The following PREX1 variants were observed in gnomAD, a reference collection of about 807,000 sequenced individuals.
PREX1 encodes the protein phosphatidylinositol 3,4,5-trisphosphate-dependent Rac exchanger 1 protein.
A neutral mutation model predicts 198.3 loss-of-function variants in PREX1; 41 were observed. The ratio of observed to expected loss-of-function variants is 0.21; its 90% CI spans 0.16 to 0.27. The LOEUF (loss-of-function observed/expected upper bound fraction) is 0.27, where lower values mean the gene tolerates loss of function less well. Among genes scored for constraint, PREX1 ranks in the 10% least tolerant of loss-of-function variants. The pLI is 1.00. For synonymous variants in PREX1, 843 were observed against 887.2 expected, an observed-to-expected ratio of 0.95 and a Z score of 0.89; for missense variants, 1,620 against 2,200.7, an observed-to-expected ratio of 0.74 and a Z score of 5.28.
At chr20:48,758,647 G>A (rs1218559287) in intron 1 of PREX1, among the ~76,000 whole-genome samples, 2 of 152,222 alleles carry the variant, frequency 1.3e-5, no homozygotes, top group Non-Finnish European at 2.9e-5. Flanking sequence ...GGAGGTGGCT[G>A]CGGAACCACA....
At chr20:48,631,694 G>A (rs150740413) in intron 35 of PREX1, among the ~76,000 whole-genome samples, 76 of 152,200 alleles carry the variant, frequency 5.0e-4, no homozygotes, top group African/African-American at 1.5e-3. Flanking sequence ...CTTAATTCTC[G>A]GCCTGCCTCT....
intron 1 of PREX1, among the ~76,000 whole-genome samples, chr20:48,757,734 T>C (rs2090161411): frequency 6.6e-6 from 1 of 152,166 alleles, no homozygotes; most frequent in African/African-American, 2.4e-5. Flanking sequence ...GGGTGGGCAC[T>C]TTCAATTCCG....
At position 48,726,404 on chromosome 20, in the gene PREX1, A is replaced by G; in HGVS notation, c.520-13T>C. 6.2e-7 allele frequency: 1 copy of G among 1,604,430 alleles called. No homozygotes were observed. Among genetic ancestry groups the G allele is most frequent in the Non-Finnish European group, 8.5e-7 (1 of 1,173,208 alleles). On this transcript the variant is annotated splice_polypyrimidine_tract_variant and intron_variant, in intron 4 of 39. Coordinates refer to ENST00000371941, the MANE Select transcript of PREX1 (RefSeq NM_020820.4). ...GAAGCATGCAGCTCTGCAAAGGGACAGGAGACCTTCATGAAACCCACCAAG... is the reference window on the plus strand; with the variant it reads ...GAAGCATGCAGCTCTGCAAAGGGACGGGAGACCTTCATGAAACCCACCAAG...
intron 1 of PREX1, among the ~76,000 whole-genome samples, chr20:48,825,378 A>G (rs1449102083): frequency 6.6e-6 from 1 of 152,244 alleles, no homozygotes; most frequent in Non-Finnish European, 1.5e-5. Flanking sequence ...GGTCCAAGAC[A>G]CATGTCCAAG....
At chr20:48,850,269 C>T in the PREX1 span, among the ~76,000 whole-genome samples, 1 of 152,112 alleles carries the variant, frequency 6.6e-6, no homozygotes, top group Admixed American at 6.5e-5. Flanking sequence ...AGAGAGTGAC[C>T]CGGGGCAAGC....
At chr20:48,864,533 A>C in the PREX1 span, among the ~76,000 whole-genome samples, 1 of 152,248 alleles carries the variant, frequency 6.6e-6, no homozygotes, top group Non-Finnish European at 1.5e-5. Context: ...TCAATTTTGC[A>C]GATGAGAAAA....
intron 29 of PREX1, among the ~76,000 whole-genome samples, chr20:48,640,299 C>T (rs2089399526): frequency 6.6e-6 from 1 of 152,190 alleles, no homozygotes; most frequent in South Asian, 2.1e-4. Flanking sequence ...TTTCCCTACA[C>T]AGAGGAGGAA....
intron 5 of PREX1, among the ~76,000 whole-genome samples, chr20:48,716,739 A>C (rs1184717098): frequency 6.6e-6 from 1 of 152,206 alleles, no homozygotes; most frequent in East Asian, 1.9e-4. Context: ...TGTGGGACCC[A>C]TGCTGAGCCG....
intron 1 of PREX1, among the ~76,000 whole-genome samples, chr20:48,769,119 G>A (rs1450584028): frequency 1.3e-5 from 2 of 152,106 alleles, no homozygotes; most frequent in African/African-American, 4.8e-5. Flanking sequence ...GTGCATCCAC[G>A]AAGCCCTGGC....
intron 2 of PREX1, among the ~76,000 whole-genome samples, chr20:48,746,481 C>T (rs1034304369): frequency 6.6e-6 from 1 of 152,216 alleles, no homozygotes; most frequent in Non-Finnish European, 1.5e-5. Flanking sequence ...CTACACACAA[C>T]ATCATGGGCA....
In PREX1 at chr20:48,734,405, C is replaced by T. The variant is rs956624810; in HGVS notation, c.519+141G>A. 33 of 753,956 alleles carry T rather than the reference C, an allele frequency of 4.4e-5. No individual in the cohort carries two copies. In the East Asian group the frequency reaches 4.9e-4, roughly 11 times the overall value. 46.7% of individuals were successfully genotyped at this position (753,956 alleles called of 1,614,324 possible). A position where few individuals can be genotyped will look rare whatever the true frequency, so the allele number is the denominator to read the frequency against. On this transcript the variant is annotated intron_variant, in intron 4 of 39. Transcript: ENST00000371941. The stretch of plus-strand genomic sequence containing the variant: ...CTGGCCCTTTATGGAAAAGGCTTGG[C>T]GATCCCTGCTTTAGGCAGGAGATTA...
intron 18 of PREX1, chr20:48,656,496 T>C (rs1198877495): frequency 2.2e-6 from 1 of 456,716 alleles, no homozygotes; most frequent in South Asian, 1.5e-5. Context: ...CCCCATCAGC[T>C]TCCTTCTGCT....
chr20:48,661,180 A>G (rs1258816370), intron 15 of PREX1, among the ~76,000 whole-genome samples: 1 of 151,890 alleles, frequency 6.6e-6, no homozygotes, highest in African/African-American at 2.4e-5. Flanking sequence ...GCACTTTGAG[A>G]GGTCGAGGCA....
At chr20:48,724,794 TCA>T (rs2090002425) in intron 5 of PREX1, among the ~76,000 whole-genome samples, 1 of 152,200 alleles carries the variant, frequency 6.6e-6, no homozygotes, top group South Asian at 2.1e-4. Context: ...ATCACACAGA[TCA>T]CACAAAGCAC....
At chr20:48,831,602 C>T (rs559134899), upstream of PREX1, among the ~76,000 whole-genome samples, 163 of 152,318 alleles carry the variant, frequency 1.1e-3, no homozygotes, top group African/African-American at 3.7e-3. Context: ...CTCCTATGCT[C>T]CAGGCAGGGA....
the PREX1 span, among the ~76,000 whole-genome samples, chr20:48,840,277 AGTGCTAGGGTTACAGGTGTGAGCCACC>A: frequency 6.6e-6 from 1 of 151,622 alleles, no homozygotes; most frequent in African/African-American, 2.4e-5. Flanking sequence ...GGCCTCCCAA[AGTGCTAGGGTTACAGGTGTGAGCCACC>A]GTGCCTGACC....
At chr20:48,783,979 T>C (rs2090301269) in intron 1 of PREX1, among the ~76,000 whole-genome samples, 1 of 152,174 alleles carries the variant, frequency 6.6e-6, no homozygotes. Context: ...GCAAATCAGT[T>C]GCAAAAGGAA....
chr20:48,758,563 G>A (rs1601118079), intron 1 of PREX1, among the ~76,000 whole-genome samples: 2 of 152,168 alleles, frequency 1.3e-5, no homozygotes, highest in African/African-American at 2.4e-5. Context: ...GGACGGCCTC[G>A]CTGCCTGTTA....
chr20:48,825,371 C>G (rs1055388959), intron 1 of PREX1, among the ~76,000 whole-genome samples: 5 of 152,104 alleles, frequency 3.3e-5, no homozygotes, highest in African/African-American at 1.2e-4. Context: ...CATGATTGGT[C>G]CAAGACACAT....
Sources: allele counts gnomAD v4.1 joint callset (sites outside exome capture counted in the v4.1 genomes callset), GRCh38; gene constraint gnomAD v4.1.1; transcripts MANE v1.5; gene names NCBI Gene and HGNC (gene_info 2026-07-23, HGNC 2026-07-21).